Variants in RIT2 observed in about 807,000 individuals in gnomAD.
The protein encoded by RIT2 is Ras like without CAAX 2, also known as GTP-binding protein Rit2.
Under a neutral mutation model 23.7 loss-of-function variants are expected in RIT2, and 24 were observed. The ratio of observed to expected loss-of-function variants is 1.01; its 90% CI spans 0.73 to 1.43. The LOEUF (loss-of-function observed/expected upper bound fraction) is 1.43, where lower values mean the gene tolerates loss of function less well. RIT2 is among the 40% of genes most tolerant of loss of function. The pLI is 0.00. For synonymous variants in RIT2, 107 were observed against 91.1 expected (o/e 1.17, Z -0.99); for missense variants, 236 against 266.9 (o/e 0.88, Z 0.81).
intron 1 of RIT2, among the ~76,000 whole-genome samples, chr18:43,101,027 T>A (rs1913671294): frequency 6.6e-6 from 1 of 151,832 alleles, no homozygotes; most frequent in Non-Finnish European, 1.5e-5. Context: ...ATATATATAT[T>A]TTCTGTCTGT....
intron 1 of RIT2, among the ~76,000 whole-genome samples, chr18:43,065,642 A>T (rs1476741700): frequency 1.3e-5 from 2 of 151,692 alleles, no homozygotes; most frequent in African/African-American, 4.8e-5. Context: ...TCTCATTTTC[A>T]CCTCCTTTCA....
At chr18:42,931,899 C>T (rs919914301) in intron 3 of RIT2, among the ~76,000 whole-genome samples, 3 of 152,082 alleles carry the variant, frequency 2.0e-5, no homozygotes, top group Non-Finnish European at 4.4e-5. Flanking sequence ...TAGGATACTA[C>T]TATAAATAAG....
intron 1 of RIT2, among the ~76,000 whole-genome samples, chr18:43,092,052 G>A (rs1168370352): frequency 6.6e-6 from 1 of 152,060 alleles, no homozygotes. Flanking sequence ...ACAGATAACA[G>A]AACTCTTCTT....
chr18:42,807,298 T>C (rs965596131), intron 4 of RIT2, among the ~76,000 whole-genome samples: 1 of 152,224 alleles, frequency 6.6e-6, no homozygotes, highest in Non-Finnish European at 1.5e-5. Flanking sequence ...TAAAGTCTTG[T>C]GTTCAGAGAA....
intron 1 of RIT2, among the ~76,000 whole-genome samples, chr18:43,038,583 T>C (rs528253553): frequency 1.3e-5 from 2 of 152,126 alleles, no homozygotes; most frequent in Non-Finnish European, 2.9e-5. Flanking sequence ...ACAATTTCTT[T>C]TTTCTCAGTA....
intron 4 of RIT2, among the ~76,000 whole-genome samples, chr18:42,773,758 G>A (rs959664691): frequency 6.6e-6 from 1 of 152,066 alleles, no homozygotes; most frequent in African/African-American, 2.4e-5. Flanking sequence ...ATCCAATCAA[G>A]GAAGTTGAAG....
chr18:43,031,108 G>T (rs1005538681), intron 2 of RIT2, among the ~76,000 whole-genome samples: 9 of 151,186 alleles, frequency 6.0e-5, no homozygotes, highest in Non-Finnish European at 1.2e-4. Context: ...TTCCCAAAAT[G>T]CCCCAGCTTT....
intron 4 of RIT2, among the ~76,000 whole-genome samples, chr18:42,861,681 T>C (rs1907331985): frequency 6.6e-6 from 1 of 152,226 alleles, no homozygotes; most frequent in African/African-American, 2.4e-5. Flanking sequence ...TTATTTTGGG[T>C]TGGGGTCACC....
intron 1 of RIT2, among the ~76,000 whole-genome samples, chr18:43,065,358 G>A (rs1411017852): frequency 6.6e-6 from 1 of 151,260 alleles, no homozygotes; most frequent in Non-Finnish European, 1.5e-5. Context: ...AGCCTCTCTA[G>A]TAGCTGGGAC....
chr18:42,940,476 G>A (rs1286185406), intron 3 of RIT2, among the ~76,000 whole-genome samples: 1 of 151,260 alleles, frequency 6.6e-6, no homozygotes, highest in African/African-American at 2.4e-5. Flanking sequence ...TATCCTTGAT[G>A]TCTACTTGTT....
intron 1 of RIT2, among the ~76,000 whole-genome samples, chr18:43,071,386 G>A (rs905748776): frequency 6.6e-6 from 1 of 152,094 alleles, no homozygotes; most frequent in Non-Finnish European, 1.5e-5. Flanking sequence ...GGTGGCGGGG[G>A]GCGAGGATGT....
intron 2 of RIT2, among the ~76,000 whole-genome samples, chr18:42,983,839 A>T (rs1910649163): frequency 1.3e-5 from 2 of 152,114 alleles, no homozygotes; most frequent in African/African-American, 2.4e-5. Flanking sequence ...TGGCTAAAAT[A>T]AAAAATGTAG....
Position 43,079,632 on chromosome 18 carries a change from C to T in RIT2, c.103+35785G>A. ...AAACCTGACTTATGACAGAGGAATA[C>T]AAAAGACAATTTTCCTTTCCCATAA... On this transcript the variant is annotated intron_variant, in intron 1 of 4. Transcript: ENST00000326695. Among the ~76,000 whole-genome samples, 2 of 152,128 alleles carry T rather than the reference C, an allele frequency of 1.3e-5. 1 individual carries two copies. Among genetic ancestry groups the T allele is most frequent in the Non-Finnish European group, 2.9e-5 (2 of 68,014 alleles).
At chr18:42,991,566 C>T (rs1054354038) in intron 2 of RIT2, among the ~76,000 whole-genome samples, 8 of 152,040 alleles carry the variant, frequency 5.3e-5, no homozygotes, top group African/African-American at 1.7e-4. Flanking sequence ...ACGAGATGGC[C>T]GGTTCCTGCC....
chr18:43,104,049 G>A (rs1383319304), intron 1 of RIT2, among the ~76,000 whole-genome samples: 1 of 152,124 alleles, frequency 6.6e-6, no homozygotes, highest in Non-Finnish European at 1.5e-5. Context: ...CCCATCAACA[G>A]ATAAATGGAT....
chr18:43,000,552 G>A (rs184172986), intron 2 of RIT2, among the ~76,000 whole-genome samples: 76 of 152,022 alleles, frequency 5.0e-4, no homozygotes, highest in Middle Eastern at 3.4e-3. Flanking sequence ...ATATGGTTTC[G>A]CTCTGTGTCC....
At chr18:42,998,928 G>C (rs1453146803) in intron 2 of RIT2, among the ~76,000 whole-genome samples, 2 of 152,050 alleles carry the variant, frequency 1.3e-5, no homozygotes, top group African/African-American at 2.4e-5. Flanking sequence ...TTGCGAACCA[G>C]GTTACTGCAG....
chr18:42,880,124 T>G (rs932491716), intron 4 of RIT2, among the ~76,000 whole-genome samples: 1 of 152,162 alleles, frequency 6.6e-6, no homozygotes, highest in African/African-American at 2.4e-5. Flanking sequence ...CCAATCTTTT[T>G]GTACCTGGGA....
intron 3 of RIT2, among the ~76,000 whole-genome samples, chr18:42,958,197 T>C (rs966700492): frequency 1.5e-4 from 23 of 152,166 alleles, no homozygotes; most frequent in African/African-American, 5.1e-4. Flanking sequence ...ATTTGGAAAG[T>C]TTACAAATTT....
Sources: gnomAD v4.1 joint callset for allele counts (sites outside exome capture counted in the v4.1 genomes callset) on GRCh38, gnomAD v4.1.1 for gene constraint, MANE v1.5 for transcripts, NCBI Gene and HGNC (gene_info 2026-07-23, HGNC 2026-07-21) for gene names.